The following ZFAT variants were observed in gnomAD, a reference collection of about 807,000 sequenced individuals.
The protein encoded by ZFAT is zinc finger protein ZFAT.
ZFAT carries 64 observed loss-of-function variants against 117.7 expected under a neutral mutation model. The observed-to-expected ratio is 0.54, with a 90% CI of 0.44 to 0.67. ZFAT has a LOEUF of 0.67. Ranked by LOEUF, ZFAT falls within the 30% of genes least tolerant of loss-of-function variation. ZFAT has a pLI of 0.00. For missense variants in ZFAT, 1,433 were observed against 1,584.5 expected (o/e 0.90, Z 1.62); for synonymous variants, 679 against 615.0 (o/e 1.10, Z -1.54).
chr8:134,800,930 T>G, the ZFAT span, among the ~76,000 whole-genome samples: 1 of 152,170 alleles, frequency 6.6e-6, no homozygotes, highest in African/African-American at 2.4e-5. Context: ...ATAACGTTTT[T>G]CACCAAAGGA....
chr8:134,592,276 C>A (rs1227308818), intron 7 of ZFAT, among the ~76,000 whole-genome samples: 1 of 152,212 alleles, frequency 6.6e-6, no homozygotes, highest in African/African-American at 2.4e-5. Flanking sequence ...AGCACAAGAG[C>A]TATCACTTCT....
At chr8:134,527,353 G>A (rs576889911) in intron 12 of ZFAT, among the ~76,000 whole-genome samples, 2 of 152,312 alleles carry the variant, frequency 1.3e-5, no homozygotes, top group East Asian at 3.9e-4. Flanking sequence ...AGTGTGTGGT[G>A]ACTTGTTACA....
chr8:134,569,981 C>T (rs1020668799), intron 10 of ZFAT, among the ~76,000 whole-genome samples: 2 of 152,192 alleles, frequency 1.3e-5, no homozygotes. Context: ...CTGGCCTCAC[C>T]TCCACCCAGA....
chr8:134,500,781 C>T (rs937016533), intron 15 of ZFAT, among the ~76,000 whole-genome samples: 3 of 152,214 alleles, frequency 2.0e-5, no homozygotes, highest in Non-Finnish European at 4.4e-5. Context: ...GGGAGAGTAA[C>T]CTATTGCCAA....
At chr8:134,713,870 C>CATT (rs1452485856), upstream of ZFAT, among the ~76,000 whole-genome samples, 31 of 110,902 alleles carry the variant, frequency 2.8e-4, no homozygotes, top group African/African-American at 1.1e-3. Flanking sequence ...TCCTATCTGT[C>CATT]ATTATCTCCC....
At chr8:134,611,971 G>A (rs929173553) in intron 3 of ZFAT, among the ~76,000 whole-genome samples, 5 of 152,280 alleles carry the variant, frequency 3.3e-5, no homozygotes, top group South Asian at 2.1e-4. Flanking sequence ...GAAAAGCTTC[G>A]ATATCCAAGT....
At chr8:134,734,939 C>T in the ZFAT span, among the ~76,000 whole-genome samples, 4 of 152,178 alleles carry the variant, frequency 2.6e-5, no homozygotes, top group Admixed American at 2.6e-4. Flanking sequence ...CTGCTCCGTT[C>T]CTCTCAAGTC....
chr8:134,533,739 T>C (rs998925932), intron 11 of ZFAT, among the ~76,000 whole-genome samples: 9 of 152,232 alleles, frequency 5.9e-5, no homozygotes, highest in Admixed American at 5.9e-4. Flanking sequence ...CATGCAGTCC[T>C]GCCTTTCCTC....
the ZFAT span, among the ~76,000 whole-genome samples, chr8:134,737,952 G>A: frequency 6.6e-6 from 1 of 152,116 alleles, no homozygotes; most frequent in Non-Finnish European, 1.5e-5. Flanking sequence ...TCTTTTTTGT[G>A]TCTGGAGATT....
the ZFAT span, among the ~76,000 whole-genome samples, chr8:134,801,129 G>C: frequency 6.6e-6 from 1 of 152,054 alleles, no homozygotes; most frequent in African/African-American, 2.4e-5. Context: ...GACAGTTAAT[G>C]AAACACTGTG....
At chr8:134,512,754 C>T (rs1563794143) in intron 13 of ZFAT, among the ~76,000 whole-genome samples, 153 bp from the exon 14 acceptor site, 1 of 152,212 alleles carries the variant, frequency 6.6e-6, no homozygotes, top group Non-Finnish European at 1.5e-5. Context: ...ACCAGTTGCT[C>T]CCATACACTT....
chr8:134,742,632 T>C, the ZFAT span, among the ~76,000 whole-genome samples: 1 of 152,226 alleles, frequency 6.6e-6, no homozygotes, highest in Non-Finnish European at 1.5e-5. Flanking sequence ...GGCTCTCTGC[T>C]ACCACGCAAT....
chr8:134,676,565 G>T (rs534022922), intron 1 of ZFAT, among the ~76,000 whole-genome samples: 1 of 152,284 alleles, frequency 6.6e-6, no homozygotes, highest in Admixed American at 6.5e-5. Context: ...AGGATATCCA[G>T]GACTTGAACT....
the ZFAT span, chr8:134,785,675 A>T: frequency 7.0e-6 from 1 of 143,162 alleles, no homozygotes; most frequent in Non-Finnish European, 1.6e-5. Context: ...TTTCTGTACC[A>T]TAGATTTACA....
intron 3 of ZFAT, among the ~76,000 whole-genome samples, chr8:134,634,903 G>A (rs977481847): frequency 2.6e-5 from 4 of 152,184 alleles, no homozygotes; most frequent in African/African-American, 9.7e-5. Context: ...ACAGATGGCG[G>A]GGTGGGGTGG....
the ZFAT span, among the ~76,000 whole-genome samples, chr8:134,722,283 G>A: frequency 3.5e-4 from 53 of 152,346 alleles, no homozygotes; most frequent in African/African-American, 1.2e-3. Context: ...CAGCCTAGGC[G>A]AGAAATAGCA....
chr8:134,489,324 T>C (rs1367455527), intron 15 of ZFAT, among the ~76,000 whole-genome samples: 2 of 151,986 alleles, frequency 1.3e-5, no homozygotes, highest in African/African-American at 4.8e-5. Context: ...ATGGTCTATC[T>C]GAGCCCTGCC....
chr8:134,564,059 G>A (rs1457731025), intron 11 of ZFAT, among the ~76,000 whole-genome samples: 1 of 152,158 alleles, frequency 6.6e-6, no homozygotes, highest in Non-Finnish European at 1.5e-5. Flanking sequence ...GGAGGCTGAA[G>A]CAGGGGAATC....
chr8:134,637,407 C>T (rs768069037), intron 3 of ZFAT, 54 bp downstream of exon 3: 8 of 1,563,034 alleles, frequency 5.1e-6, no homozygotes, highest in African/African-American at 2.7e-5. Flanking sequence ...CTGATATTAG[C>T]AGATACACCT....
Sources: allele counts gnomAD v4.1 joint callset (sites outside exome capture counted in the v4.1 genomes callset), GRCh38; gene constraint gnomAD v4.1.1; transcripts MANE v1.5; gene names NCBI Gene and HGNC (gene_info 2026-07-23, HGNC 2026-07-21).